PCGF3: variants seen among roughly 807,000 people sequenced by gnomAD.
The protein encoded by PCGF3 is polycomb group ring finger 3, also known as polycomb group RING finger protein 3.
A neutral mutation model predicts 33.1 loss-of-function variants in PCGF3; 7 were observed. The ratio of observed to expected loss-of-function variants is 0.21; its 90% CI spans 0.12 to 0.40. PCGF3 has a LOEUF of 0.40. Among genes scored for constraint, PCGF3 ranks in the 10% least tolerant of loss-of-function variants. The probability of loss-of-function intolerance (pLI) is 1.00; values close to 1 mark genes in which losing one functional copy is unlikely to be tolerated. For missense variants in PCGF3, 211 were observed against 313.3 expected (o/e 0.67, Z 2.46); for synonymous variants, 153 against 121.3 (o/e 1.26, Z -1.72).
chr4:736,753 G>C, intron 5 of PCGF3, among the ~76,000 whole-genome samples: 2 of 151,430 alleles, frequency 1.3e-5, no homozygotes, highest in African/African-American at 2.4e-5. Flanking sequence ...GGAACCCGGG[G>C]TGTCCGCAGG....
chr4:769,255 G>A (rs1480585750), exon 11 of PCGF3: 1 of 152,688 alleles, frequency 6.5e-6, no homozygotes, highest in Non-Finnish European at 1.5e-5. Context: ...GGGCTTCGCA[G>A]CCTTGCTTGT....
chr4:708,127 A>G (rs377266423), intron 1 of PCGF3, among the ~76,000 whole-genome samples: 273 of 151,242 alleles, frequency 1.8e-3, no homozygotes, highest in African/African-American at 3.5e-3. Context: ...GTTTTCTCCC[A>G]GGGCCCGGCA....
rs116034678 is a variant in PCGF3, at chr4:721,008, A to C, written c.-189-9622A>C. Among the ~76,000 whole-genome samples, 1,144 of 152,222 alleles carry C rather than the reference A, an allele frequency of 7.5e-3. 16 individuals are homozygous for C. The highest frequency in any genetic ancestry group is 0.026 in the African/African-American group (1,094 of 41,524). ...GCAAGGAGGAGATGACCCCATGGGC[A>C]AGCAGGAGCTCAGATGGGAGGCATG... On this transcript the variant is annotated intron_variant, in intron 1 of 10. Coordinates refer to ENST00000362003, the Ensembl canonical transcript of PCGF3. The surrounding 1 kb of genome is among the most constrained non-coding windows in gnomAD (Gnocchi z 4.1).
chr4:729,186 G>A (rs1014999068), intron 1 of PCGF3, among the ~76,000 whole-genome samples: 2 of 151,202 alleles, frequency 1.3e-5, no homozygotes, highest in Admixed American at 6.6e-5. Context: ...AGGCTGAGGC[G>A]GGAGGATCAC....
intron 6 of PCGF3, among the ~76,000 whole-genome samples, chr4:741,754 A>AT (rs1427899455): frequency 6.6e-6 from 1 of 152,110 alleles, no homozygotes; most frequent in East Asian, 1.9e-4. Flanking sequence ...GAGTGCTGCT[A>AT]TTTTTAATCC....
intron 8 of PCGF3, chr4:757,571 A>G (rs1744823904): frequency 6.6e-6 from 1 of 152,216 alleles, no homozygotes. Context: ...CTGTTCTTAA[A>G]ATGTCTTAAA....
At chr4:751,105 G>C (rs1200001527) in intron 8 of PCGF3, among the ~76,000 whole-genome samples, 1 of 151,966 alleles carries the variant, frequency 6.6e-6, no homozygotes, top group Non-Finnish European at 1.5e-5. Context: ...TTCTTTCTCT[G>C]CTCTAATGGT....
At chr4:753,043 G>A (rs538293292) in intron 8 of PCGF3, among the ~76,000 whole-genome samples, 36 of 152,310 alleles carry the variant, frequency 2.4e-4, no homozygotes, top group African/African-American at 7.9e-4. Flanking sequence ...GACAGATCCC[G>A]GCCCTCACTG....
At chr4:750,461 G>A (rs924136967) in intron 8 of PCGF3, among the ~76,000 whole-genome samples, 3 of 152,182 alleles carry the variant, frequency 2.0e-5, no homozygotes, top group Admixed American at 6.5e-5. Context: ...GTAAACAAGC[G>A]GACCCCGGGG....
intron 8 of PCGF3, chr4:757,589 CTG>C (rs1330007955): frequency 2.0e-5 from 3 of 152,366 alleles, no homozygotes; most frequent in Non-Finnish European, 2.9e-5. Context: ...AAATGTGACA[CTG>C]TTTACAACGT....
At chr4:757,505 T>C (rs1426007780) in intron 8 of PCGF3, 1 of 152,274 alleles carries the variant, frequency 6.6e-6, no homozygotes, top group East Asian at 1.9e-4. Flanking sequence ...TAAAGTCCCA[T>C]GACATACTAA....
At chr4:718,579 G>A (rs1390462360) in intron 1 of PCGF3, among the ~76,000 whole-genome samples, 2 of 152,256 alleles carry the variant, frequency 1.3e-5, no homozygotes, top group African/African-American at 2.4e-5. Context: ...AGCCCTGTCC[G>A]TGTGAGTGCT....
chr4:722,610 C>G (rs377210969), intron 1 of PCGF3, among the ~76,000 whole-genome samples: 1 of 140,196 alleles, frequency 7.1e-6, no homozygotes, highest in African/African-American at 2.7e-5. Flanking sequence ...CCGTCCGCGC[C>G]GGGTCCACAC....
At chr4:763,400 G>GCA (rs1560220576) in intron 9 of PCGF3, among the ~76,000 whole-genome samples, 55 of 152,272 alleles carry the variant, frequency 3.6e-4, no homozygotes, top group African/African-American at 1.3e-3. Flanking sequence ...CTGCTGCTGC[G>GCA]TTAACCGTGC....
intron 8 of PCGF3, among the ~76,000 whole-genome samples, chr4:750,449 G>T (rs551623208): frequency 5.5e-4 from 84 of 152,318 alleles, no homozygotes; most frequent in African/African-American, 2.0e-3. Flanking sequence ...TTGGTGTGGT[G>T]GGTAAACAAG....
At chr4:737,674 C>T (rs1430025943) in intron 6 of PCGF3, 153 bp downstream of exon 6, 1 of 624,580 alleles carries the variant, frequency 1.6e-6, no homozygotes, top group Non-Finnish European at 2.8e-6. Flanking sequence ...ACTTCATCTC[C>T]TTGGCTGGTC....
At chr4:736,474 C>T (rs530160572) in intron 5 of PCGF3, among the ~76,000 whole-genome samples, 4 of 151,610 alleles carry the variant, frequency 2.6e-5, no homozygotes, top group South Asian at 2.1e-4. Context: ...GTCCCCTGAG[C>T]GCATAGGATG....
At chr4:739,081 A>G (rs1322997616) in intron 6 of PCGF3, among the ~76,000 whole-genome samples, 1 of 152,214 alleles carries the variant, frequency 6.6e-6, no homozygotes, top group African/African-American at 2.4e-5. Flanking sequence ...GTTCTTCTTA[A>G]AGCTCATAAC....
chr4:713,096 T>C (rs1742643608), intron 1 of PCGF3, among the ~76,000 whole-genome samples: 1 of 145,956 alleles, frequency 6.9e-6, no homozygotes, highest in African/African-American at 2.7e-5. Context: ...TCCTATGTTC[T>C]TCGTGGGTCC....
Sources: gnomAD v4.1 joint callset for allele counts (sites outside exome capture counted in the v4.1 genomes callset) on GRCh38, gnomAD v4.1.1 for gene constraint, Gnocchi (gnomAD v3.1) non-coding constraint, MANE v1.5 for transcripts, NCBI Gene and HGNC (gene_info 2026-07-23, HGNC 2026-07-21) for gene names.